Variants in MAMLD1 observed in about 807,000 individuals in gnomAD.
The protein encoded by MAMLD1 is mastermind-like domain-containing protein 1.
A neutral mutation model predicts 45.0 loss-of-function variants in MAMLD1; 14 were observed. The ratio of observed to expected loss-of-function variants is 0.31; its 90% CI spans 0.21 to 0.49. The LOEUF (loss-of-function observed/expected upper bound fraction) is 0.49, where lower values mean the gene tolerates loss of function less well. Among genes scored for constraint, MAMLD1 ranks in the 20% least tolerant of loss-of-function variants. The pLI is 0.99. For missense variants in MAMLD1, 543 were observed against 603.6 expected, an observed-to-expected ratio of 0.90 and a Z score of 1.05; for synonymous variants, 254 against 247.8, an observed-to-expected ratio of 1.02 and a Z score of -0.24.
chrX:150,398,343 G>GAAAGAAGAA (rs1569564636), intron 1 of MAMLD1, among the ~76,000 whole-genome samples: 48 of 56,471 alleles, frequency 8.5e-4, no homozygotes, highest in African/African-American at 2.9e-3. Flanking sequence ...AAGAAGAAGA[G>GAAAGAAGAA]GAAGAGGAAG....
At chrX:150,398,337 AG>A (rs2033588347) in intron 1 of MAMLD1, among the ~76,000 whole-genome samples, 1 of 52,296 alleles carries the variant, frequency 1.9e-5, no homozygotes, top group African/African-American at 7.4e-5. Context: ...AAGAAGAAGA[AG>A]AAGAGGAAGA....
Position 150,462,857 on chromosome X carries a change from G to A in MAMLD1, c.171+11G>A, listed in dbSNP as rs781994423. 3 of 1,179,977 alleles carry A rather than the reference G, an allele frequency of 2.5e-6. No individual in the cohort carries two copies. In the African/African-American group the frequency reaches 5.3e-5, roughly 21 times the overall value. The stretch of plus-strand genomic sequence containing the variant: ...GGAAGAAAGCATCAGGTAAGCATAA[G>A]CTTACCAAAGCTGGGACCCATTCAC... On this transcript the variant is annotated intron_variant, in intron 3 of 7. Coordinates refer to ENST00000370401, the MANE Select transcript of MAMLD1 (RefSeq NM_005491.5).
chrX:150,468,624 A>C (rs1263097813), intron 3 of MAMLD1, among the ~76,000 whole-genome samples: 1 of 110,913 alleles, frequency 9.0e-6, no homozygotes, highest in East Asian at 2.8e-4. Context: ...TGACTGTATG[A>C]AGCCATGAAG....
chrX:150,394,929 C>CT (rs1204608751), intron 1 of MAMLD1, among the ~76,000 whole-genome samples: 3 of 111,268 alleles, frequency 2.7e-5, no homozygotes, highest in Non-Finnish European at 3.8e-5. Flanking sequence ...CTTTTGTTTC[C>CT]TTTTTTTGTC....
intron 6 of MAMLD1, among the ~76,000 whole-genome samples, chrX:150,503,884 T>C (rs895262453): frequency 8.9e-6 from 1 of 112,077 alleles, no homozygotes; most frequent in Admixed American, 9.4e-5. Context: ...GAGGCCAGAC[T>C]GGGAACCTGA....
At chrX:150,469,466 T>C (rs1306159887) in intron 3 of MAMLD1, among the ~76,000 whole-genome samples, 1 of 112,307 alleles carries the variant, frequency 8.9e-6, no homozygotes, top group Non-Finnish European at 1.9e-5. Flanking sequence ...AACATAATAA[T>C]GAATAAATAA....
intron 1 of MAMLD1, among the ~76,000 whole-genome samples, chrX:150,425,520 G>A (rs1429039963): frequency 8.9e-6 from 1 of 112,269 alleles, no homozygotes; most frequent in Non-Finnish European, 1.9e-5. Flanking sequence ...ATTAAGCAAT[G>A]TGTTATGCAT....
chrX:150,475,476 T>C lies in MAMLD1; in HGVS notation c.2040+1674T>C, dbSNP rs1399049053. Among the ~76,000 whole-genome samples the C allele has an allele frequency of 5.3e-5, 6 of 112,637 alleles. 1 individual carries two copies. Among genetic ancestry groups the C allele is most frequent in the Non-Finnish European group, 1.1e-4 (6 of 53,369 alleles). ...CCTTCTATAGAGGAGCTCATTTTTA[T>C]GTACAGACCAGCATCTCTCTATTTG... On this transcript the variant is annotated intron_variant, in intron 5 of 7. Coordinates refer to ENST00000370401, the MANE Select transcript of MAMLD1 (RefSeq NM_005491.5).
chrX:150,410,642 G>A (rs2124534325), intron 1 of MAMLD1, among the ~76,000 whole-genome samples: 1 of 112,638 alleles, frequency 8.9e-6, no homozygotes, highest in African/African-American at 3.2e-5. Flanking sequence ...GTCAACAACT[G>A]TTCTAAGCAT....
rs1405281668 is a variant in MAMLD1, at chrX:150,460,494, G to C, written c.97-2278G>C. On this transcript the variant is annotated intron_variant, in intron 2 of 7. Coordinates refer to ENST00000370401, the MANE Select transcript of MAMLD1 (RefSeq NM_005491.5). ...TTTGTATAGTTCTTTAAAGTCTGAG[G>C]GACAGTGGAGAGGCAGGTCCCAAGG... Among the ~76,000 whole-genome samples, 5 of 111,978 alleles carry C rather than the reference G, an allele frequency of 4.5e-5. No individual in the cohort carries two copies. In the East Asian group the frequency reaches 1.4e-3, roughly 31 times the overall value.
chrX:150,506,437 T>C (rs1475585810), intron 6 of MAMLD1, among the ~76,000 whole-genome samples: 7 of 109,403 alleles, frequency 6.4e-5, no homozygotes, highest in African/African-American at 2.3e-4. Context: ...ACATTCTTTA[T>C]AAAACAAGGC....
chrX:150,409,492 G>T (rs61009045), intron 1 of MAMLD1, among the ~76,000 whole-genome samples: 29,472 of 110,368 alleles, frequency 0.27, 3,768 homozygotes, highest in African/African-American at 0.48. Context: ...GATAAGTATT[G>T]CATGTCTGAA....
At chrX:150,369,782 G>A (rs1012088571) in intron 1 of MAMLD1, among the ~76,000 whole-genome samples, 3 of 110,972 alleles carry the variant, frequency 2.7e-5, no homozygotes, top group Admixed American at 9.5e-5. Flanking sequence ...CCACACACAC[G>A]TGCACCACTG....
At chrX:150,390,401 A>G (rs2033125151) in intron 1 of MAMLD1, among the ~76,000 whole-genome samples, 1 of 112,017 alleles carries the variant, frequency 8.9e-6, no homozygotes, top group Non-Finnish European at 1.9e-5. Flanking sequence ...TTGTATTCTC[A>G]TGCTTTACTT....
chrX:150,373,741 G>T (rs1296105490), intron 1 of MAMLD1, among the ~76,000 whole-genome samples: 1 of 111,755 alleles, frequency 8.9e-6, no homozygotes, highest in Non-Finnish European at 1.9e-5. Context: ...TACCTAGAAA[G>T]ATGCCATCCT....
At chrX:150,466,376 G>C (rs2036220389) in intron 3 of MAMLD1, among the ~76,000 whole-genome samples, 1 of 112,149 alleles carries the variant, frequency 8.9e-6, no homozygotes, top group Non-Finnish European at 1.9e-5. Flanking sequence ...TCCAAAACAT[G>C]GAGCTGCATG....
intron 2 of MAMLD1, among the ~76,000 whole-genome samples, chrX:150,452,936 G>A (rs917260462): frequency 2.7e-5 from 3 of 110,890 alleles, no homozygotes; most frequent in East Asian, 2.8e-4. Flanking sequence ...TGGAAGCTTC[G>A]GAGCACCTGA....
chrX:150,450,214 G>A (rs1482294948), intron 2 of MAMLD1, among the ~76,000 whole-genome samples: 1 of 112,487 alleles, frequency 8.9e-6, no homozygotes, highest in Non-Finnish European at 1.9e-5. Context: ...GTTCTGACCA[G>A]CGTTGTCCAC....
intron 6 of MAMLD1, among the ~76,000 whole-genome samples, chrX:150,509,156 C>T (rs1417491361): frequency 1.8e-5 from 2 of 111,926 alleles, no homozygotes; most frequent in African/African-American, 6.5e-5. Flanking sequence ...CAGGAAGCTC[C>T]TCCCAATTGC....
Sources: allele counts gnomAD v4.1 joint callset (sites outside exome capture counted in the v4.1 genomes callset), GRCh38; gene constraint gnomAD v4.1.1; transcripts MANE v1.5; gene names NCBI Gene and HGNC (gene_info 2026-07-23, HGNC 2026-07-21).